ADAMTS9: variants seen among roughly 807,000 people sequenced by gnomAD.
ADAMTS9 encodes the protein ADAM metallopeptidase with thrombospondin type 1 motif 9.
Under a neutral mutation model 257.1 loss-of-function variants are expected in ADAMTS9, and 107 were observed. The ratio of observed to expected loss-of-function variants is 0.42; its 90% CI spans 0.36 to 0.49. The LOEUF is 0.49. Ranked by LOEUF, ADAMTS9 falls within the 20% of genes least tolerant of loss-of-function variation. The pLI is 0.03. For synonymous variants in ADAMTS9, 982 were observed against 880.9 expected, an observed-to-expected ratio of 1.11 and a Z score of -2.03; for missense variants, 2,353 against 2,469.1, an observed-to-expected ratio of 0.95 and a Z score of 1.00.
At chr3:64,657,731 G>A (rs1455667546) in intron 4 of ADAMTS9, among the ~76,000 whole-genome samples, 1 of 151,916 alleles carries the variant, frequency 6.6e-6, no homozygotes, top group Non-Finnish European at 1.5e-5. Context: ...TTAAATATGT[G>A]GTTTGCATTA....
At chr3:64,546,378 T>C (rs2083198944) in intron 32 of ADAMTS9, among the ~76,000 whole-genome samples, 1 of 152,208 alleles carries the variant, frequency 6.6e-6, no homozygotes, top group South Asian at 2.1e-4. Context: ...TTGGATTTTA[T>C]AGCATTTTGG....
intron 2 of ADAMTS9, among the ~76,000 whole-genome samples, chr3:64,684,543 G>A (rs1701845073): frequency 1.3e-5 from 2 of 152,164 alleles, no homozygotes; most frequent in South Asian, 4.1e-4. Flanking sequence ...CTTCCAGAAG[G>A]AAGACAAAGG....
intron 3 of ADAMTS9, among the ~76,000 whole-genome samples, chr3:64,659,054 C>T (rs544659164): frequency 6.6e-6 from 1 of 152,150 alleles, no homozygotes; most frequent in South Asian, 2.1e-4. Flanking sequence ...AACAATTGCA[C>T]GTGATTCTTA....
rs760183787 is a variant in ADAMTS9, at chr3:64,594,432, G to A, written c.4182C>T (p.Cys1394=). Residue 1394 remains cysteine, a splice_region_variant and synonymous_variant, in exon 28 of 40, where the codon TGC becomes TGT. Transcript: ENST00000498707. ...TTATGCCTCCACCACACAGCTTAGT[G>A]CACTGGAAGAAGGAAAAGGAAGGCT... ...PQWAYGNWGE[C]TKLCGGGIRT... The A allele has an allele frequency of 6.8e-6, 11 of 1,609,490 alleles. No individual in the cohort carries two copies. The highest frequency in any genetic ancestry group is 9.3e-6 in the Non-Finnish European group (11 of 1,178,178).
intron 30 of ADAMTS9, among the ~76,000 whole-genome samples, chr3:64,552,675 T>C (rs1312258906): frequency 2.0e-5 from 3 of 151,938 alleles, no homozygotes; most frequent in African/African-American, 7.2e-5. Context: ...CTCCTACATT[T>C]TAGTCCCAAG....
intron 12 of ADAMTS9, among the ~76,000 whole-genome samples, chr3:64,634,407 A>G (rs184332871): frequency 3.3e-5 from 5 of 152,160 alleles, no homozygotes; most frequent in Admixed American, 1.3e-4. Flanking sequence ...CCAGACAACC[A>G]TTGTTTTTGC....
In ADAMTS9 at chr3:64,613,517, G is replaced by A. The variant is rs191467881; in HGVS notation, c.3190-8C>T. ...TCCACAGGTGACCAAGCACTGTAAT[G>A]AAAAGCGGAGCTAGTCAGGGTCATT... is the stretch of plus-strand genomic sequence containing the variant. On this transcript the variant is annotated splice_region_variant and splice_polypyrimidine_tract_variant and intron_variant, in intron 21 of 39. Coordinates refer to ENST00000498707, the MANE Select transcript of ADAMTS9 (RefSeq NM_182920.2). The A allele has an allele frequency of 1.2e-5, 20 of 1,611,326 alleles. No individual in the cohort carries two copies. In the East Asian group the frequency reaches 3.6e-4, roughly 29 times the overall value.
intron 37 of ADAMTS9, among the ~76,000 whole-genome samples, chr3:64,538,017 G>A (rs994226576): frequency 1.3e-5 from 2 of 152,194 alleles, no homozygotes; most frequent in Non-Finnish European, 2.9e-5. Context: ...GAGTGGCTCC[G>A]CTGAAAAGCC....
At chr3:64,645,672 T>C (rs1700769717) in intron 11 of ADAMTS9, among the ~76,000 whole-genome samples, 1 of 152,198 alleles carries the variant, frequency 6.6e-6, no homozygotes, top group Non-Finnish European at 1.5e-5. Flanking sequence ...ACATCTTTAA[T>C]AAAAGCTGCT....
chr3:64,656,983 C>G (rs1365738086), intron 4 of ADAMTS9, among the ~76,000 whole-genome samples: 1 of 152,046 alleles, frequency 6.6e-6, no homozygotes, highest in Non-Finnish European at 1.5e-5. Context: ...TATGCTACGG[C>G]TGAAAATGAG....
At chr3:64,646,082 T>C (rs1170186941) in intron 11 of ADAMTS9, among the ~76,000 whole-genome samples, 1 of 152,222 alleles carries the variant, frequency 6.6e-6, no homozygotes, top group Non-Finnish European at 1.5e-5. Flanking sequence ...GTTGTTGTGT[T>C]TCTTTTGCAG....
rs1453008418 is a variant in ADAMTS9, at chr3:64,546,740, G to T, written c.5064+18C>A. 3 of 1,572,408 alleles carry T rather than the reference G, an allele frequency of 1.9e-6. No individual in the cohort carries two copies. Among genetic ancestry groups the T allele is most frequent in the East Asian group, 2.2e-5 (1 of 44,510 alleles). On this transcript the variant is annotated intron_variant, in intron 32 of 39. Coordinates refer to ENST00000498707, the MANE Select transcript of ADAMTS9 (RefSeq NM_182920.2). ...GATCCAAGGGCTTTCAGATTTGAGT[G>T]CTCAGTCTTCTACTTACGCTCCCCC...
At chr3:64,619,296 G>T (rs751816561) in intron 19 of ADAMTS9, among the ~76,000 whole-genome samples, 2 of 152,068 alleles carry the variant, frequency 1.3e-5, no homozygotes, top group African/African-American at 4.8e-5. Context: ...AGGGAACAGG[G>T]ATGGGGCAAA....
intron 26 of ADAMTS9, among the ~76,000 whole-genome samples, chr3:64,601,175 A>T (rs2084453592): frequency 6.6e-6 from 1 of 152,244 alleles, no homozygotes; most frequent in African/African-American, 2.4e-5. Flanking sequence ...ATAATAATAA[A>T]GACAACTGTC....
At chr3:64,655,951 G>T in intron 4 of ADAMTS9, 76 bp from the exon 5 acceptor site, 1 of 876,158 alleles carries the variant, frequency 1.1e-6, no homozygotes, top group Non-Finnish European at 1.7e-6. Flanking sequence ...CTTACGTTGG[G>T]CTCCACCTCT....
chr3:64,582,640 C>A (rs554182788), intron 28 of ADAMTS9: 1 of 152,090 alleles, frequency 6.6e-6, no homozygotes, highest in Non-Finnish European at 1.5e-5. Flanking sequence ...CTGTCACAAC[C>A]GAGGGGGTAT....
intron 23 of ADAMTS9, among the ~76,000 whole-genome samples, 167 bp from the exon 24 acceptor site, chr3:64,604,498 T>C (rs948110806): frequency 1.3e-5 from 2 of 152,210 alleles, no homozygotes; most frequent in Non-Finnish European, 2.9e-5. Flanking sequence ...TGTCTTCAAC[T>C]GCAAAATGAG....
chr3:64,568,640 C>T, intron 28 of ADAMTS9, 105 bp from the exon 29 acceptor site: 3 of 1,335,288 alleles, frequency 2.2e-6, no homozygotes, highest in East Asian at 4.7e-5. Flanking sequence ...ACAAGAGTTA[C>T]CATTCCCCTC....
At chr3:64,643,770 A>C (rs1008457946) in intron 11 of ADAMTS9, among the ~76,000 whole-genome samples, 3 of 151,798 alleles carry the variant, frequency 2.0e-5, no homozygotes, top group African/African-American at 7.3e-5. Flanking sequence ...TGGCCTACTA[A>C]TTAGATTTTT....
Sources: allele counts gnomAD v4.1 joint callset (sites outside exome capture counted in the v4.1 genomes callset), GRCh38; gene constraint gnomAD v4.1.1; transcripts MANE v1.5; gene names NCBI Gene and HGNC (gene_info 2026-07-23, HGNC 2026-07-21).